Variants in LMTK2 observed in about 807,000 individuals in gnomAD.
LMTK2 encodes lemur tail kinase 2.
LMTK2 carries 37 observed loss-of-function variants against 127.5 expected under a neutral mutation model. That is an observed-to-expected ratio of 0.29 (90% CI 0.22 to 0.38). The LOEUF is 0.38. Among genes scored for constraint, LMTK2 ranks in the 10% least tolerant of loss-of-function variants. The pLI, the probability that LMTK2 is intolerant of heterozygous loss-of-function variation, is 1.00. For missense variants in LMTK2, 1,694 were observed against 1,920.3 expected (o/e 0.88, Z 2.20); for synonymous variants, 819 against 810.1 (o/e 1.01, Z -0.19).
chr7:98,163,512 A>T (rs963959765), intron 6 of LMTK2, among the ~76,000 whole-genome samples: 3 of 152,184 alleles, frequency 2.0e-5, no homozygotes, highest in Non-Finnish European at 1.5e-5. Context: ...AATTTCGTAC[A>T]TATCACTTCT....
At position 98,194,472 on chromosome 7, in the gene LMTK2, C is replaced by G. The variant is rs369909704; in HGVS notation, c.4007C>G (p.Pro1336Arg). 1 of 1,613,898 alleles carries G rather than the reference C, an allele frequency of 6.2e-7. No individual in the cohort carries two copies. Among genetic ancestry groups the G allele is most frequent in the African/African-American group, 1.3e-5 (1 of 74,914 alleles). The part of the protein sequence containing the change: ...DGRHLRSLLK[P>R]TAANAPDPLP... ...AGGCACCTGCGGAGTCTGTTGAAGCCCACAGCGGCCAATGCCCCCGACCCA... is the reference window on the plus strand; with the variant it reads ...AGGCACCTGCGGAGTCTGTTGAAGCGCACAGCGGCCAATGCCCCCGACCCA... Residue 1336 changes from proline (P) to arginine (R), a missense_variant, in exon 11 of 14, where the codon CCC (proline) becomes CGC (arginine). Coordinates refer to ENST00000297293, the MANE Select transcript of LMTK2 (RefSeq NM_014916.4). The surrounding 1 kb of genome is among the most constrained non-coding windows in gnomAD (Gnocchi z 5.4).
In LMTK2 at chr7:98,206,532, G is replaced by T. The variant is rs1797800595; in HGVS notation, c.*1040G>T. 3 of 152,232 alleles carry T rather than the reference G, an allele frequency of 2.0e-5. No homozygotes were observed. The highest frequency in any genetic ancestry group is 2.0e-4 in the Admixed American group (3 of 15,280). 9.4% of individuals were successfully genotyped at this position (152,232 alleles called of 1,614,324 possible). A position where few individuals can be genotyped will look rare whatever the true frequency, so the allele number is the denominator to read the frequency against. On this transcript the variant is annotated 3_prime_UTR_variant, in exon 14 of 14. Transcript: ENST00000297293. ...GGGGCACCGCACCGCTTCCCTCCGC[G>T]CAGCTCTTCTGCCTGGTTTTCGGAG...
At position 98,171,766 on chromosome 7, in the gene LMTK2, G is replaced by A; in HGVS notation, c.791+92G>A. On this transcript the variant is annotated intron_variant, in intron 7 of 13. Transcript: ENST00000297293. The surrounding 1 kb of genome is among the most constrained non-coding windows in gnomAD (Gnocchi z 5.1). ...AGTTTGTGAAACTTAAGGAGGACAGGAGGTGGCAGAATGAACCCAGCTCAT... is the reference window on the plus strand; with the variant it reads ...AGTTTGTGAAACTTAAGGAGGACAGAAGGTGGCAGAATGAACCCAGCTCAT... 2.2e-6 allele frequency: 3 copies of A among 1,385,920 alleles called. No individual in the cohort carries two copies. The highest frequency in any genetic ancestry group is 2.9e-6 in the Non-Finnish European group (3 of 1,052,430). 85.9% of individuals were successfully genotyped at this position (1,385,920 alleles called of 1,614,324 possible). A position where few individuals can be genotyped will look rare whatever the true frequency, so the allele number is the denominator to read the frequency against.
At chr7:98,157,251 CGGTAGGTAGGTAGGTAGGTAGGTA>C (rs60034734) in intron 5 of LMTK2, among the ~76,000 whole-genome samples, 8 of 142,046 alleles carry the variant, frequency 5.6e-5, no homozygotes, top group African/African-American at 1.3e-4. Context: ...GACCCTGTCT[CGGTAGGTAGGTAGGTAGGTAGGTA>C]GGTAGGTAGG....
At chr7:98,167,263 C>G (rs1797114850) in intron 6 of LMTK2, among the ~76,000 whole-genome samples, 1 of 152,188 alleles carries the variant, frequency 6.6e-6, no homozygotes, top group Non-Finnish European at 1.5e-5. Flanking sequence ...CAGCACTGTT[C>G]TAGGTTTTAG....
rs762476978 is a variant in LMTK2 at position 98,192,842 on chromosome 7, G to A, written c.2377G>A (p.Asp793Asn). 26 of 1,613,752 alleles carry A rather than the reference G, an allele frequency of 1.6e-5. No individual in the cohort carries two copies. The highest frequency in any genetic ancestry group is 3.3e-5 in the South Asian group (3 of 91,058). The change falls in exon 11 of 14, where the codon GAT becomes AAT. Residue 793 changes from aspartate (D) to asparagine (N), a missense_variant. Physicochemically the swap from Asp to Asn is conservative, Grantham distance 23 (BLOSUM62 1). This residue lies in a region of LMTK2 where 527 missense variants were observed against 539.8 expected (regional missense o/e 0.98). Coordinates refer to ENST00000297293, the MANE Select transcript of LMTK2 (RefSeq NM_014916.4). The stretch of plus-strand genomic sequence containing the variant: ...GGAAAACGTAAGCACAAAGGGTGAC[G>A]ATACAGATGTCATGCTCACAGGTGA... ...LQENVSTKGD[D>N]TDVMLTGDTL...
At chr7:98,119,075 G>A (rs1358815395) in intron 1 of LMTK2, among the ~76,000 whole-genome samples, 4 of 125,564 alleles carry the variant, frequency 3.2e-5, no homozygotes, top group Non-Finnish European at 4.7e-5. Flanking sequence ...CTGGGTGACA[G>A]AGTGAGAATC....
rs1428796763 is a variant in LMTK2 at position 98,205,537 on chromosome 7, A to T, written c.*45A>T. 1.2e-6 allele frequency: 2 copies of T among 1,606,010 alleles called. No individual in the cohort carries two copies. Among genetic ancestry groups the T allele is most frequent in the Non-Finnish European group, 1.7e-6 (2 of 1,177,084 alleles). On this transcript the variant is annotated 3_prime_UTR_variant, in exon 14 of 14. Transcript: ENST00000297293. ...CTCGGGTCCGAGGCTGCTCCCCTGG[A>T]GCGGCGCCCCTGCGCCCTCAGCCCG...
At position 98,151,028 on chromosome 7, in the gene LMTK2, T is replaced by G. The variant is rs75539844; in HGVS notation, c.377-354T>G. ...TACTTCAGTAAAACTTTTTAAAAAT[T>G]AAGGAGAGTAGTTTAAGAGTGCTAA... On this transcript the variant is annotated intron_variant, in intron 3 of 13. Coordinates refer to ENST00000297293, the MANE Select transcript of LMTK2 (RefSeq NM_014916.4). Among the ~76,000 whole-genome samples the G allele has an allele frequency of 5.3e-3, 806 of 152,278 alleles. 3 individuals carry two copies. The highest frequency in any genetic ancestry group is 0.016 in the East Asian group (81 of 5,184).
chr7:98,109,524 G>C (rs1340261999), intron 1 of LMTK2, among the ~76,000 whole-genome samples: 1 of 151,878 alleles, frequency 6.6e-6, no homozygotes, highest in Non-Finnish European at 1.5e-5. Flanking sequence ...TGGGTGGATT[G>C]CTTGAGGTCA....
In LMTK2 at chr7:98,160,401, G is replaced by T. The variant is rs557241124; in HGVS notation, c.657+976G>T. 6.6e-5 allele frequency among the ~76,000 whole-genome samples: 10 copies of T among 152,268 alleles called. No homozygotes were observed. The South Asian group carries it at 2.1e-3, about 32-fold the overall frequency. On this transcript the variant is annotated intron_variant, in intron 6 of 13. Transcript: ENST00000297293. ...AACTTGATAACATTAGCTTTTGTTG[G>T]ATTATGTAATAGTTACCCTCAAATA... is the stretch of plus-strand genomic sequence containing the variant.
At chr7:98,132,227 G>T (rs141223997) in intron 1 of LMTK2, among the ~76,000 whole-genome samples, 1 of 152,196 alleles carries the variant, frequency 6.6e-6, no homozygotes, top group East Asian at 1.9e-4. Flanking sequence ...CTCTGAACTG[G>T]TCACTGCCAG....
At chr7:98,140,185 C>CT (rs370499076) in intron 2 of LMTK2, among the ~76,000 whole-genome samples, 1,596 of 25,290 alleles carry the variant, frequency 0.063, 447 homozygotes, top group Middle Eastern at 0.17. Flanking sequence ...TCTTTTCTTT[C>CT]TTCTTTCTGT....
At chr7:98,135,678 T>G (rs973712965) in intron 1 of LMTK2, among the ~76,000 whole-genome samples, 2 of 152,082 alleles carry the variant, frequency 1.3e-5, no homozygotes, top group Non-Finnish European at 2.9e-5. Context: ...AGCTGAGACT[T>G]TAATAGTTTG....
intron 3 of LMTK2, among the ~76,000 whole-genome samples, chr7:98,150,684 G>T: frequency 6.6e-6 from 1 of 152,208 alleles, no homozygotes; most frequent in South Asian, 2.1e-4. Context: ...ACAAAAGTAA[G>T]AATAAACTCT....
intron 7 of LMTK2, among the ~76,000 whole-genome samples, chr7:98,176,708 G>A (rs528883494): frequency 3.3e-5 from 5 of 152,222 alleles, no homozygotes; most frequent in East Asian, 1.9e-4. Context: ...TTAGCCAGGC[G>A]TGGTGGCACA....
Position 98,191,943 on chromosome 7 carries a change from A to T in LMTK2, c.1478A>T (p.His493Leu). The T allele has an allele frequency of 6.2e-7, 1 of 1,614,024 alleles. No homozygotes were observed. The highest frequency in any genetic ancestry group is 8.5e-7 in the Non-Finnish European group (1 of 1,180,000). Reference protein sequence around the residue: ...HDHFDERSRGHLDEGLSYTSI... With the variant: ...HDHFDERSRGLLDEGLSYTSI... ...CACTTTGACGAGCGCAGCCGGGGCC[A>T]CCTGGACGAAGGCTTGTCCTACACG... The change falls in exon 11 of 14, where the codon CAC (histidine) becomes CTC (leucine). Residue 493 changes from histidine to leucine, a missense_variant. By Grantham distance (99) the His-to-Leu change is moderately conservative. This residue lies in a region of LMTK2 where 216 missense variants were observed against 266.8 expected (regional missense o/e 0.81). Transcript: ENST00000297293.
intron 1 of LMTK2, among the ~76,000 whole-genome samples, chr7:98,115,098 A>G (rs1054069490): frequency 2.6e-5 from 4 of 152,204 alleles, no homozygotes; most frequent in Non-Finnish European, 5.9e-5. Context: ...TTTGATTTAT[A>G]AATGACATGG....
chr7:98,200,816 TTTGTTG>T (rs138102097), intron 11 of LMTK2, among the ~76,000 whole-genome samples: 287 of 151,836 alleles, frequency 1.9e-3, no homozygotes, highest in African/African-American at 6.5e-3. Context: ...TATTATTTAT[TTTGTTG>T]TTGTTGTTGT....
Sources: gnomAD v4.1 joint callset for allele counts (sites outside exome capture counted in the v4.1 genomes callset) on GRCh38, gnomAD v4.1.1 for gene constraint, gnomAD v4.1.1 regional missense constraint, Gnocchi (gnomAD v3.1) non-coding constraint, MANE v1.5 for transcripts, NCBI Gene and HGNC (gene_info 2026-07-23, HGNC 2026-07-21) for gene names.